The following FSTL4 variants were observed in gnomAD, a reference collection of about 807,000 sequenced individuals.
The protein encoded by FSTL4 is follistatin like 4.
Under a neutral mutation model 78.2 loss-of-function variants are expected in FSTL4, and 28 were observed. That is an observed-to-expected ratio of 0.36 (90% CI 0.27 to 0.49). The LOEUF is 0.49. Among genes scored for constraint, FSTL4 ranks in the 20% least tolerant of loss-of-function variants. The pLI, the probability that FSTL4 is intolerant of heterozygous loss-of-function variation, is 0.98. For missense variants in FSTL4, 922 were observed against 1,084.9 expected (o/e 0.85, Z 2.11); for synonymous variants, 422 against 440.5 (o/e 0.96, Z 0.53).
the FSTL4 span, among the ~76,000 whole-genome samples, chr5:133,728,881 G>A: frequency 6.6e-6 from 1 of 152,140 alleles, no homozygotes; most frequent in Non-Finnish European, 1.5e-5. Flanking sequence ...AAGAAAAAGA[G>A]GAATTTATCA....
At chr5:133,352,357 C>CAT (rs1754849886) in intron 4 of FSTL4, among the ~76,000 whole-genome samples, 1 of 143,254 alleles carries the variant, frequency 7.0e-6, no homozygotes, top group African/African-American at 2.7e-5. Flanking sequence ...TATATATACA[C>CAT]ACACATATAT....
At chr5:133,641,192 C>T in the FSTL4 span, among the ~76,000 whole-genome samples, 545 of 152,074 alleles carry the variant, frequency 3.6e-3, 5 homozygotes, top group Non-Finnish European at 3.1e-3. Context: ...AAATAGATCA[C>T]AAAGACCCAA....
chr5:133,350,471 C>T (rs1226898301), intron 4 of FSTL4, among the ~76,000 whole-genome samples: 8 of 152,240 alleles, frequency 5.3e-5, no homozygotes, highest in Non-Finnish European at 2.9e-5. Flanking sequence ...GGGTTGACTA[C>T]CTCCCCTGGT....
the FSTL4 span, among the ~76,000 whole-genome samples, chr5:133,700,152 A>G: frequency 6.6e-6 from 1 of 151,496 alleles, no homozygotes; most frequent in Admixed American, 6.6e-5. Flanking sequence ...ATCACACTGA[A>G]CCACCACACT....
At chr5:133,495,413 C>A (rs894407327) in intron 3 of FSTL4, among the ~76,000 whole-genome samples, 1 of 152,242 alleles carries the variant, frequency 6.6e-6, no homozygotes, top group African/African-American at 2.4e-5. Flanking sequence ...ACAAATCATT[C>A]TCTAAAATTG....
intron 7 of FSTL4, among the ~76,000 whole-genome samples, 159 bp downstream of exon 7, chr5:133,249,251 G>T (rs1752135767): frequency 6.6e-6 from 1 of 152,196 alleles, no homozygotes; most frequent in African/African-American, 2.4e-5. Flanking sequence ...GTGGGACTTG[G>T]ATTTTCTGAT....
the FSTL4 span, among the ~76,000 whole-genome samples, chr5:133,747,709 C>T: frequency 6.6e-6 from 1 of 152,046 alleles, no homozygotes; most frequent in African/African-American, 2.4e-5. Context: ...TTTATTAGCA[C>T]CTAAAGAGCT....
At chr5:133,565,336 A>G (rs948220176) in intron 3 of FSTL4, among the ~76,000 whole-genome samples, 1 of 152,190 alleles carries the variant, frequency 6.6e-6, no homozygotes, top group Non-Finnish European at 1.5e-5. Context: ...CAAGTCAGTG[A>G]GTCAGTGAAT....
At chr5:133,330,238 A>C (rs1191010850) in intron 4 of FSTL4, among the ~76,000 whole-genome samples, 4 of 152,200 alleles carry the variant, frequency 2.6e-5, no homozygotes, top group Non-Finnish European at 5.9e-5. Context: ...ACATTGTATT[A>C]GGCTGTTCTT....
intron 3 of FSTL4, among the ~76,000 whole-genome samples, chr5:133,554,612 C>A (rs1759753080): frequency 6.6e-6 from 1 of 152,212 alleles, no homozygotes; most frequent in Admixed American, 6.5e-5. Context: ...ACAGACAGTG[C>A]TGAGCTTATT....
chr5:133,367,718 G>A (rs545706074), intron 4 of FSTL4, among the ~76,000 whole-genome samples: 1 of 152,338 alleles, frequency 6.6e-6, no homozygotes, highest in Non-Finnish European at 1.5e-5. Flanking sequence ...CTACTGTGGG[G>A]TTTCTGCAGT....
At chr5:133,641,835 C>T in the FSTL4 span, among the ~76,000 whole-genome samples, 2 of 150,732 alleles carry the variant, frequency 1.3e-5, no homozygotes, top group African/African-American at 4.9e-5. Context: ...TTCTTCTTTC[C>T]TCTTTCTTCT....
chr5:133,470,878 T>C (rs1422122614), intron 3 of FSTL4, among the ~76,000 whole-genome samples: 1 of 151,546 alleles, frequency 6.6e-6, no homozygotes, highest in Non-Finnish European at 1.5e-5. Context: ...CCAAGAGAAT[T>C]TTCCAGAATA....
At chr5:133,329,394 G>C (rs942917045) in intron 4 of FSTL4, among the ~76,000 whole-genome samples, 1 of 151,712 alleles carries the variant, frequency 6.6e-6, no homozygotes, top group African/African-American at 2.4e-5. Context: ...TCAAAAGAGA[G>C]AGAGAGATAT....
rs73283657 is a variant in FSTL4, at chr5:133,494,587, A to G, written c.160+72599T>C. On this transcript the variant is annotated intron_variant, in intron 3 of 15. Coordinates refer to ENST00000265342, the MANE Select transcript of FSTL4 (RefSeq NM_015082.2). The stretch of plus-strand genomic sequence containing the variant: ...AGAGGCAGTAATTTTTGAAGATAAA[A>G]TGTTCAACAACTGCGTCTTTTGACC... Among the ~76,000 whole-genome samples, 755 of 152,334 alleles carry G rather than the reference A, an allele frequency of 5.0e-3. 4 individuals are homozygous for G. The highest frequency in any genetic ancestry group is 0.018 in the African/African-American group (731 of 41,568).
chr5:133,616,834 C>G (rs1761208672), upstream of FSTL4, among the ~76,000 whole-genome samples: 1 of 152,166 alleles, frequency 6.6e-6, no homozygotes, highest in Non-Finnish European at 1.5e-5. Context: ...AGTTGATAGG[C>G]CACCCTAGAT....
At chr5:133,227,218 T>G (rs1360415411) in intron 8 of FSTL4, among the ~76,000 whole-genome samples, 1 of 152,040 alleles carries the variant, frequency 6.6e-6, no homozygotes, top group African/African-American at 2.4e-5. Flanking sequence ...CTTGCCTCAG[T>G]TTTTCTTTGT....
chr5:133,631,383 C>A, the FSTL4 span, among the ~76,000 whole-genome samples: 4 of 151,602 alleles, frequency 2.6e-5, no homozygotes, highest in Admixed American at 2.0e-4. Flanking sequence ...ATGCGGCCAA[C>A]AAACTATGAA....
At chr5:133,580,743 C>T (rs1452423612) in intron 2 of FSTL4, among the ~76,000 whole-genome samples, 4 of 152,252 alleles carry the variant, frequency 2.6e-5, no homozygotes, top group Non-Finnish European at 4.4e-5. Flanking sequence ...GAGCCTCTCT[C>T]TTCACTGTCA....
Sources: allele counts gnomAD v4.1 joint callset (sites outside exome capture counted in the v4.1 genomes callset), GRCh38; gene constraint gnomAD v4.1.1; transcripts MANE v1.5; gene names NCBI Gene and HGNC (gene_info 2026-07-23, HGNC 2026-07-21).